Variants in MB21D2 observed in about 807,000 individuals in gnomAD.
The protein encoded by MB21D2 is Mab-21 domain containing 2.
A neutral mutation model predicts 33.3 loss-of-function variants in MB21D2; 9 were observed. The observed-to-expected ratio is 0.27, with a 90% CI of 0.16 to 0.47. The LOEUF (loss-of-function observed/expected upper bound fraction) is 0.47. MB21D2 is among the 20% of genes least tolerant of loss of function. The pLI is 0.99. For synonymous variants in MB21D2, 241 were observed against 236.3 expected (o/e 1.02, Z -0.18); for missense variants, 540 against 624.6 (o/e 0.86, Z 1.44).
rs558351866 is a variant in MB21D2, at chr3:192,834,329, C to A, written c.212-34679G>T. On this transcript the variant is annotated intron_variant, in intron 1 of 1. Transcript: ENST00000392452. The stretch of plus-strand genomic sequence containing the variant: ...GAGACTGCATCTCAAAAAAAAAAAA[C>A]CAAACAAAACAAAACAAACAAAAAA... Among the ~76,000 whole-genome samples, 220 of 144,024 alleles carry A rather than the reference C, an allele frequency of 1.5e-3. 1 individual carries two copies. Among genetic ancestry groups the A allele is most frequent in the African/African-American group, 5.1e-3 (200 of 38,872 alleles). 94.5% of individuals were successfully genotyped at this position (144,024 alleles called of 152,430 possible).
At chr3:192,909,892 C>T (rs1188390778) in intron 1 of MB21D2, among the ~76,000 whole-genome samples, 1 of 123,932 alleles carries the variant, frequency 8.1e-6, no homozygotes, top group East Asian at 2.4e-4. Flanking sequence ...AGATTGAGAT[C>T]GGCCACTGCT....
intron 1 of MB21D2, among the ~76,000 whole-genome samples, chr3:192,847,538 G>A (rs983552729): frequency 6.6e-6 from 1 of 152,108 alleles, no homozygotes; most frequent in Non-Finnish European, 1.5e-5. Flanking sequence ...TGAGATGGCC[G>A]GTGACACACA....
chr3:192,831,683 C>T (rs1209131317), intron 1 of MB21D2, among the ~76,000 whole-genome samples: 2 of 152,048 alleles, frequency 1.3e-5, no homozygotes, highest in Non-Finnish European at 1.5e-5. Context: ...TTCAGACAAT[C>T]GATTCTAAGG....
intron 1 of MB21D2, among the ~76,000 whole-genome samples, chr3:192,822,486 G>T (rs1026463739): frequency 6.6e-6 from 1 of 152,158 alleles, no homozygotes; most frequent in Non-Finnish European, 1.5e-5. Context: ...TCTAATAGAT[G>T]TAAGAGCAAA....
At chr3:192,891,523 T>C (rs558567198) in intron 1 of MB21D2, among the ~76,000 whole-genome samples, 24 of 152,212 alleles carry the variant, frequency 1.6e-4, no homozygotes, top group African/African-American at 5.8e-4. Context: ...AGAGAGATGG[T>C]AGGAGTCCTC....
intron 1 of MB21D2, among the ~76,000 whole-genome samples, chr3:192,884,424 T>A (rs568027298): frequency 2.0e-5 from 3 of 151,926 alleles, no homozygotes; most frequent in Non-Finnish European, 4.4e-5. Context: ...TGGAGTGCAG[T>A]GGCGCGATCT....
At chr3:192,830,494 A>C (rs1169266690) in intron 1 of MB21D2, among the ~76,000 whole-genome samples, 1 of 152,104 alleles carries the variant, frequency 6.6e-6, no homozygotes, top group Non-Finnish European at 1.5e-5. Flanking sequence ...CTGCCTACCT[A>C]ATAATGCATG....
At chr3:192,809,040 G>T (rs753395745) in intron 1 of MB21D2, among the ~76,000 whole-genome samples, 13 of 152,042 alleles carry the variant, frequency 8.6e-5, no homozygotes, top group Non-Finnish European at 1.5e-4. Flanking sequence ...CAGGCCAAAT[G>T]CTTACCTGTG....
chr3:192,851,926 A>C (rs539737652), intron 1 of MB21D2, among the ~76,000 whole-genome samples: 1 of 152,390 alleles, frequency 6.6e-6, no homozygotes, highest in African/African-American at 2.4e-5. Context: ...AAATAAACTA[A>C]GTAACCATGA....
At chr3:192,807,639 G>T (rs1711692369) in intron 1 of MB21D2, among the ~76,000 whole-genome samples, 1 of 152,132 alleles carries the variant, frequency 6.6e-6, no homozygotes. Context: ...CTACATTTTG[G>T]AAGAAAAATA....
chr3:192,875,375 T>C (rs952754932), intron 1 of MB21D2, among the ~76,000 whole-genome samples: 2 of 152,092 alleles, frequency 1.3e-5, no homozygotes, highest in South Asian at 2.1e-4. Flanking sequence ...GTAAAATATA[T>C]GGTGAAAGAA....
chr3:192,905,081 G>A (rs1422823498), intron 1 of MB21D2, among the ~76,000 whole-genome samples: 2 of 152,196 alleles, frequency 1.3e-5, no homozygotes, highest in East Asian at 1.9e-4. Flanking sequence ...CACAATCCGC[G>A]CAAGCAGCTG....
chr3:192,854,943 AT>A (rs1712884194), intron 1 of MB21D2, among the ~76,000 whole-genome samples: 1 of 152,220 alleles, frequency 6.6e-6, no homozygotes, highest in African/African-American at 2.4e-5. Flanking sequence ...CTCACTGACA[AT>A]GCACTTGGTC....
intron 1 of MB21D2, among the ~76,000 whole-genome samples, chr3:192,879,587 C>G (rs192508066): frequency 6.6e-6 from 1 of 152,312 alleles, no homozygotes; most frequent in East Asian, 1.9e-4. Flanking sequence ...ACACAGAGGG[C>G]TTCACAGAAG....
intron 1 of MB21D2, among the ~76,000 whole-genome samples, chr3:192,888,434 C>A (rs530601128): frequency 6.6e-6 from 1 of 152,082 alleles, no homozygotes; most frequent in Non-Finnish European, 1.5e-5. Flanking sequence ...AAAGCACGCG[C>A]GCTCCTAAGC....
chr3:192,900,307 A>AAAAAAACAAAAAAAAAAAAAAAAAAAAG (rs1560255280), intron 1 of MB21D2, among the ~76,000 whole-genome samples: 1 of 143,106 alleles, frequency 7.0e-6, no homozygotes, highest in Non-Finnish European at 1.5e-5. Context: ...AAAAAAAAAA[A>AAAAAAACAAAAAAAAAAAAAAAAAAAAG]ATCACAGAAA....
At chr3:192,860,986 G>A (rs1397372574) in intron 1 of MB21D2, among the ~76,000 whole-genome samples, 1 of 152,192 alleles carries the variant, frequency 6.6e-6, no homozygotes, top group Non-Finnish European at 1.5e-5. Context: ...GAAACGAAAA[G>A]GCTGAACACC....
intron 1 of MB21D2, among the ~76,000 whole-genome samples, chr3:192,827,269 T>C (rs1712197337): frequency 6.6e-6 from 1 of 152,102 alleles, no homozygotes; most frequent in East Asian, 1.9e-4. Flanking sequence ...TTTCACACTT[T>C]CCAAGCTCCC....
At chr3:192,862,895 TC>T (rs1713081804) in intron 1 of MB21D2, among the ~76,000 whole-genome samples, 1 of 152,182 alleles carries the variant, frequency 6.6e-6, no homozygotes, top group Non-Finnish European at 1.5e-5. Flanking sequence ...AGGCTTGCGC[TC>T]TGCCTCAAAA....
Sources: gnomAD v4.1 joint callset for allele counts (sites outside exome capture counted in the v4.1 genomes callset) on GRCh38, gnomAD v4.1.1 for gene constraint, MANE v1.5 for transcripts, NCBI Gene and HGNC (gene_info 2026-07-23, HGNC 2026-07-21) for gene names.